FGF13: variants seen among roughly 807,000 people sequenced by gnomAD.
FGF13 encodes the protein fibroblast growth factor homologous factor 2.
FGF13 carries 2 observed loss-of-function variants against 19.5 expected under a neutral mutation model. The observed-to-expected ratio is 0.10, with a 90% CI of 0.04 to 0.32. The LOEUF is 0.32. Ranked by LOEUF, FGF13 falls within the 10% of genes least tolerant of loss-of-function variation. FGF13 has a pLI of 1.00. For missense variants in FGF13, 113 were observed against 192.7 expected, an observed-to-expected ratio of 0.59 and a Z score of 2.45; for synonymous variants, 72 against 76.9, an observed-to-expected ratio of 0.94 and a Z score of 0.33.
intron 1 of FGF13, among the ~76,000 whole-genome samples, chrX:139,193,109 G>A (rs2084345223): frequency 9.1e-6 from 1 of 110,481 alleles, no homozygotes; most frequent in African/African-American, 3.3e-5. Flanking sequence ...TCCAATGCAT[G>A]TGTGAATCTG....
chrX:138,871,410 A>G (rs1339833854), intron 1 of FGF13, among the ~76,000 whole-genome samples: 1 of 112,051 alleles, frequency 8.9e-6, no homozygotes, highest in Non-Finnish European at 1.9e-5. Context: ...CATATAGTTT[A>G]CACATTTGAG....
chrX:139,201,198 TG>T (rs1409372261), intron 1 of FGF13, among the ~76,000 whole-genome samples: 23 of 112,193 alleles, frequency 2.1e-4, no homozygotes, highest in African/African-American at 7.5e-4. Flanking sequence ...TGTCCATCAC[TG>T]GTCTTAACCT....
At chrX:138,799,022 C>G (rs1452945067) in intron 3 of FGF13, among the ~76,000 whole-genome samples, 9 of 111,773 alleles carry the variant, frequency 8.1e-5, no homozygotes, top group Non-Finnish European at 1.7e-4. Context: ...CTCCTGGATT[C>G]ATTGATTTTT....
intron 1 of FGF13, among the ~76,000 whole-genome samples, chrX:139,167,889 C>T (rs1454593245): frequency 2.7e-5 from 3 of 112,039 alleles, no homozygotes; most frequent in Non-Finnish European, 5.6e-5. Context: ...TAATAATTTG[C>T]AAACTATAAC....
chrX:138,967,551 C>G (rs1409467098), intron 1 of FGF13, among the ~76,000 whole-genome samples: 2 of 110,787 alleles, frequency 1.8e-5, no homozygotes, highest in East Asian at 5.7e-4. Flanking sequence ...CAAAGAAAGG[C>G]AGTGGATAAA....
At chrX:138,931,853 G>A (rs1260672417) in intron 1 of FGF13, among the ~76,000 whole-genome samples, 2 of 111,813 alleles carry the variant, frequency 1.8e-5, no homozygotes, top group African/African-American at 3.3e-5. Context: ...AGATTTATGT[G>A]CTCAGATAAA....
intron 3 of FGF13, among the ~76,000 whole-genome samples, chrX:138,636,457 G>A (rs2089185339): frequency 1.8e-5 from 2 of 111,385 alleles, no homozygotes; most frequent in Non-Finnish European, 3.8e-5. Context: ...CCATTTCAAG[G>A]AAACAAACAA....
chrX:139,109,434 G>A (rs1221206888), intron 1 of FGF13, among the ~76,000 whole-genome samples: 2 of 111,623 alleles, frequency 1.8e-5, no homozygotes, highest in African/African-American at 3.3e-5. Flanking sequence ...GGATGATGAC[G>A]AAAATGAAAA....
chrX:138,850,220 T>C (rs2091212850), intron 3 of FGF13, among the ~76,000 whole-genome samples: 1 of 111,843 alleles, frequency 8.9e-6, no homozygotes, highest in South Asian at 3.7e-4. Flanking sequence ...AAGAGAATGA[T>C]AAATGTCCAT....
intron 1 of FGF13, among the ~76,000 whole-genome samples, chrX:139,020,744 T>A (rs981706539): frequency 2.3e-4 from 26 of 111,926 alleles, no homozygotes; most frequent in African/African-American, 8.4e-4. Flanking sequence ...GTTTCTGTTC[T>A]TCCCAATTTA....
chrX:139,108,429 G>A (rs776755458), intron 1 of FGF13, among the ~76,000 whole-genome samples: 76 of 111,167 alleles, frequency 6.8e-4, no homozygotes, highest in Non-Finnish European at 1.2e-3. Context: ...AGGAAAAAAC[G>A]TAAGAGACTC....
chrX:139,193,551 CTGTACAGAA>C (rs1449296627), intron 1 of FGF13, among the ~76,000 whole-genome samples: 3 of 111,113 alleles, frequency 2.7e-5, no homozygotes. Flanking sequence ...CATAGAAGCC[CTGTACAGAA>C]GTAAGCAGTC....
chrX:138,789,969 TG>T (rs1390178236), intron 3 of FGF13, among the ~76,000 whole-genome samples: 9 of 83,014 alleles, frequency 1.1e-4, no homozygotes, highest in African/African-American at 4.2e-4. Flanking sequence ...GGCGTGAACC[TG>T]GGAGCCGGAG....
chrX:138,665,922 T>C (rs1418686348), intron 3 of FGF13, among the ~76,000 whole-genome samples: 1 of 111,069 alleles, frequency 9.0e-6, no homozygotes, highest in Non-Finnish European at 1.9e-5. Context: ...ATCAACTAAA[T>C]TAGGGCTGAC....
chrX:139,020,740 G>C (rs754675863), intron 1 of FGF13, among the ~76,000 whole-genome samples: 10 of 111,475 alleles, frequency 9.0e-5, no homozygotes, highest in Non-Finnish European at 1.7e-4. Flanking sequence ...TTTAGTTTCT[G>C]TTCTTCCCAA....
intron 1 of FGF13, among the ~76,000 whole-genome samples, chrX:138,723,192 C>T (rs1426825371): frequency 1.8e-5 from 2 of 111,206 alleles, no homozygotes; most frequent in Non-Finnish European, 3.8e-5. Context: ...GATTTCAGAC[C>T]CTCTTCTACT....
intron 1 of FGF13, among the ~76,000 whole-genome samples, chrX:139,111,268 T>A (rs1035039135): frequency 1.8e-5 from 2 of 111,388 alleles, no homozygotes; most frequent in Non-Finnish European, 3.8e-5. Context: ...AGGTGTTCAA[T>A]AGGAACTGAT....
At chrX:139,180,424 A>G (rs2148270135) in intron 1 of FGF13, among the ~76,000 whole-genome samples, 1 of 111,896 alleles carries the variant, frequency 8.9e-6, no homozygotes, top group African/African-American at 3.2e-5. Flanking sequence ...CCATGCACAA[A>G]TTGCTCTGAG....
intron 3 of FGF13, among the ~76,000 whole-genome samples, chrX:138,809,219 C>T (rs2090900221): frequency 9.0e-6 from 1 of 111,726 alleles, no homozygotes; most frequent in Non-Finnish European, 1.9e-5. Context: ...AAACCGAATC[C>T]AGCAGTATAT....
Sources: allele counts gnomAD v4.1 joint callset (sites outside exome capture counted in the v4.1 genomes callset), GRCh38; gene constraint gnomAD v4.1.1; transcripts MANE v1.5; gene names NCBI Gene and HGNC (gene_info 2026-07-23, HGNC 2026-07-21).